Variants in POLR1D observed in about 807,000 individuals in gnomAD.
POLR1D encodes RNA polymerase I and III subunit D.
POLR1D carries 8 observed loss-of-function variants against 10.8 expected under a neutral mutation model. The observed-to-expected ratio is 0.74, with a 90% confidence interval of 0.43 to 1.33. The LOEUF (loss-of-function observed/expected upper bound fraction) is 1.33, where lower values mean the gene tolerates loss of function less well. POLR1D is among the 40% of genes most tolerant of loss of function. The probability of loss-of-function intolerance (pLI) is 0.01; values close to 1 mark genes in which losing one functional copy is unlikely to be tolerated. For synonymous variants in POLR1D, 54 were observed against 57.2 expected (o/e 0.94, Z 0.25); for missense variants, 152 against 161.7 (o/e 0.94, Z 0.32).
At chr13:27,629,198 G>C (rs1004042799) in intron 1 of POLR1D, among the ~76,000 whole-genome samples, 2 of 152,280 alleles carry the variant, frequency 1.3e-5, no homozygotes, top group Non-Finnish European at 2.9e-5. Context: ...CATAGGCATA[G>C]CAAACTTAGG....
chr13:27,665,902 A>ACGAAAG, exon 3 of POLR1D: 1 of 1,614,188 alleles, frequency 6.2e-7, no homozygotes, highest in Non-Finnish European at 8.5e-7. Flanking sequence ...ACTCCCCGCC[A>ACGAAAG]CGAAAGCGGA....
downstream of POLR1D, among the ~76,000 whole-genome samples, chr13:27,626,949 T>C (rs1157893376): frequency 6.6e-6 from 1 of 152,084 alleles, no homozygotes; most frequent in Non-Finnish European, 1.5e-5. Flanking sequence ...ACCCAAAGAG[T>C]GTCTTGCATC....
chr13:27,621,988 A>G lies in POLR1D; in HGVS notation c.5A>G (p.Glu2Gly), dbSNP rs1955936711. The change falls in exon 1 of 2, where the codon GAA becomes GGA. Residue 2 changes from glutamate to glycine, a missense_variant. By Grantham distance (98) the Glu-to-Gly change is moderately conservative. Transcript: ENST00000302979. ...GATCCAGAAACCGCCCCAGCGATGG[A>G]AGAGGATCAGGAGCTGGAGAGGTAA... is the stretch of plus-strand genomic sequence containing the variant. M[E>G]EDQELERKIS... The G allele has an allele frequency of 6.3e-7, 1 of 1,593,342 alleles. No homozygotes were observed. Among genetic ancestry groups the G allele is most frequent in the South Asian group, 1.1e-5 (1 of 87,690 alleles).
intron 1 of POLR1D, among the ~76,000 whole-genome samples, chr13:27,634,800 C>T (rs1030749289): frequency 2.6e-5 from 4 of 151,770 alleles, no homozygotes; most frequent in Admixed American, 1.3e-4. Flanking sequence ...CTCAGCCTCC[C>T]AAGTAGCTGG....
intron 1 of POLR1D, among the ~76,000 whole-genome samples, chr13:27,637,280 G>A (rs990423702): frequency 1.2e-4 from 18 of 152,156 alleles, no homozygotes; most frequent in Non-Finnish European, 2.4e-4. Context: ...TCCATGAGCT[G>A]CTTCCTTCCT....
intron 1 of POLR1D, among the ~76,000 whole-genome samples, chr13:27,629,671 A>G (rs1037718086): frequency 6.6e-6 from 1 of 152,130 alleles, no homozygotes. Flanking sequence ...TATTAATAGG[A>G]TATAGAGAAA....
intron 1 of POLR1D, among the ~76,000 whole-genome samples, chr13:27,639,320 A>G (rs1366540385): frequency 6.6e-6 from 1 of 152,176 alleles, no homozygotes; most frequent in Non-Finnish European, 1.5e-5. Context: ...AAGAGCATAG[A>G]CTGTAATATT....
exon 3 of POLR1D, chr13:27,666,215 T>G (rs535239132): frequency 2.5e-6 from 1 of 401,428 alleles, no homozygotes; most frequent in Admixed American, 4.0e-5. Flanking sequence ...TTATCTTGTT[T>G]GGAAGTGTGT....
chr13:27,649,508 T>C (rs371217306), intron 2 of POLR1D, among the ~76,000 whole-genome samples: 213 of 152,346 alleles, frequency 1.4e-3, no homozygotes, highest in Non-Finnish European at 2.5e-3. Flanking sequence ...TTGGTATTGC[T>C]ATTCTGAAAA....
chr13:27,637,869 C>G (rs525811), intron 1 of POLR1D, among the ~76,000 whole-genome samples: 113,490 of 151,866 alleles, frequency 0.75, 43,073 homozygotes, highest in East Asian at 0.91. Context: ...GAGATCAAGC[C>G]ATCCTCCCCC....
At chr13:27,621,529 C>T (rs960597605), upstream of POLR1D, 3 of 152,846 alleles carry the variant, frequency 2.0e-5, no homozygotes, top group Non-Finnish European at 4.4e-5. Context: ...GTCAACACCG[C>T]CCCAGTTGGG....
intron 2 of POLR1D, among the ~76,000 whole-genome samples, chr13:27,651,890 G>A (rs1011660686): frequency 6.6e-6 from 1 of 152,182 alleles, no homozygotes; most frequent in Non-Finnish European, 1.5e-5. Context: ...TAATGTGTAT[G>A]AAAACACCCA....
In POLR1D at chr13:27,639,939, A is replaced by C. The variant is rs545530396; in HGVS notation, c.27-8440A>C. Among the ~76,000 whole-genome samples, 17 of 152,262 alleles carry C rather than the reference A, an allele frequency of 1.1e-4. 1 individual carries two copies. The South Asian group carries it at 3.5e-3, about 32-fold the overall frequency. ...TTTGTAATAGAGCCGTAGTGTAAGG[A>C]TTAAGATCCTGGGGCCTAGAGTCAG... On this transcript the variant is annotated intron_variant, in intron 1 of 2. Coordinates refer to the POLR1D transcript ENST00000399697.
downstream of POLR1D, chr13:27,623,500 C>T: frequency 1.6e-6 from 1 of 628,164 alleles, no homozygotes; most frequent in Non-Finnish European, 2.3e-6. Context: ...TTGAGGATGA[C>T]TTTTTTTCTA....
intron 2 of POLR1D, among the ~76,000 whole-genome samples, chr13:27,648,627 A>C (rs1193222881): frequency 6.6e-6 from 1 of 152,224 alleles, no homozygotes; most frequent in African/African-American, 2.4e-5. Flanking sequence ...AGAAACTCTA[A>C]TAACATGAAG....
At chr13:27,637,923 A>C (rs527938543) in intron 1 of POLR1D, among the ~76,000 whole-genome samples, 91 of 152,122 alleles carry the variant, frequency 6.0e-4, no homozygotes, top group African/African-American at 2.1e-3. Flanking sequence ...GTGCCACCAC[A>C]CTGGCATAAA....
intron 2 of POLR1D, among the ~76,000 whole-genome samples, chr13:27,655,922 T>C (rs1162178133): frequency 1.3e-5 from 2 of 152,050 alleles, no homozygotes; most frequent in Non-Finnish European, 2.9e-5. Context: ...GAACTAACTG[T>C]GTGGAAAAAG....
rs73432869 is a variant in POLR1D at position 27,622,184 on chromosome 13, A to T, written c.26+175A>T. On this transcript the variant is annotated intron_variant, in intron 1 of 1. Transcript: ENST00000302979. ...TTTCAGTTGAGAGGCTGAGAGGTAC[A>T]CTAGCTATCAAGGAGGGAAGACAAG... is the stretch of plus-strand genomic sequence containing the variant. The T allele has an allele frequency of 8.1e-5, 52 of 644,050 alleles. No homozygotes were observed. The African/African-American group carries it at 8.7e-4, about 11-fold the overall frequency. The allele number at this position is 644,050 out of a possible 1,614,324, so 39.9% of individuals were successfully genotyped here.
intron 2 of POLR1D, among the ~76,000 whole-genome samples, chr13:27,657,936 C>T (rs1403918417): frequency 1.3e-5 from 2 of 152,154 alleles, no homozygotes; most frequent in Non-Finnish European, 2.9e-5. Flanking sequence ...AGGTCTGGAC[C>T]CATGACAACC....
Sources: gnomAD v4.1 joint callset for allele counts (sites outside exome capture counted in the v4.1 genomes callset) on GRCh38, gnomAD v4.1.1 for gene constraint, MANE v1.5 for transcripts, NCBI Gene and HGNC (gene_info 2026-07-23, HGNC 2026-07-21) for gene names.